The following FBXO40 variants were observed in gnomAD, a reference collection of about 807,000 sequenced individuals.
FBXO40 encodes F-box only protein 40.
In FBXO40, 50 loss-of-function variants were observed where a neutral mutation model predicts 49.9. That is an observed-to-expected ratio of 1.00 (90% CI 0.80 to 1.27). The LOEUF is 1.27. Ranked by LOEUF, FBXO40 falls within the 50% of genes most tolerant of loss-of-function variation. The probability of loss-of-function intolerance (pLI) is 0.00; values close to 1 mark genes in which losing one functional copy is unlikely to be tolerated. For synonymous variants in FBXO40, 340 were observed against 320.2 expected (o/e 1.06, Z -0.66); for missense variants, 895 against 870.1 (o/e 1.03, Z -0.36).
intron 1 of FBXO40, among the ~76,000 whole-genome samples, chr3:121,617,824 ACC>A (rs771108156): frequency 2.5e-4 from 38 of 152,094 alleles, no homozygotes; most frequent in Non-Finnish European, 4.7e-4. Context: ...ACATGGTGAA[ACC>A]CTGTCTCTGC....
chr3:121,621,662 G>GCCACAAA lies in FBXO40; in HGVS notation c.235_241dup (p.Leu81ProfsTer30). The GCCACAAA allele has an allele frequency of 6.2e-7, 1 of 1,614,118 alleles. No individual in the cohort carries two copies. Among genetic ancestry groups the GCCACAAA allele is most frequent in the South Asian group, 1.1e-5 (1 of 91,082 alleles). On this transcript the variant is annotated frameshift_variant, in exon 3 of 4. Transcript: ENST00000338040. LOFTEE classifies it high-confidence loss of function. ...TATGGCTGCCCTCTGTCCATGTCCC[G>GCCACAAA]CCACAAACTGGCCAAGCACCTGCAG... is the stretch of plus-strand genomic sequence containing the variant.
Position 121,622,323 on chromosome 3 carries a change from G to A in FBXO40, c.894G>A (p.Leu298=), listed in dbSNP as rs769982068. ...GGCAGGATGGTGTTCTGGAAAGACT[G>A]AAAACAGCTGTGGATGCAAAGGACT... ...APWQDGVLER[L]KTAVDAKDYN... Residue 298 remains leucine, a synonymous_variant, in exon 3 of 4, where the codon CTG becomes CTA. Coordinates refer to ENST00000338040, the MANE Select transcript of FBXO40 (RefSeq NM_016298.4). The A allele has an allele frequency of 2.3e-5, 37 of 1,614,124 alleles. No individual in the cohort carries two copies. The highest frequency in any genetic ancestry group is 3.1e-5 in the Non-Finnish European group (36 of 1,180,058).
rs1240441735 is a variant in FBXO40, at chr3:121,598,735, G to T, written c.-31+5233G>T. 2.6e-5 allele frequency among the ~76,000 whole-genome samples: 4 copies of T among 152,078 alleles called. No homozygotes were observed. The East Asian group carries it at 7.7e-4, about 29-fold the overall frequency. ...CTCCTTTTCCAGATCTTTTGTCAAG[G>T]CCTTCCCACCTAATTGGCAATCCTC... On this transcript the variant is annotated intron_variant, in intron 1 of 3. Transcript: ENST00000338040.
chr3:121,628,054 A>G lies in FBXO40; in HGVS notation c.*1144A>G, dbSNP rs2049072258. On this transcript the variant is annotated 3_prime_UTR_variant, in exon 4 of 4. Transcript: ENST00000338040. ...ATGATACTGCTGTTTTTGGTAACAAACAGTGAATATTCATAAGAACAAAAG... is the reference window on the plus strand; with the variant it reads ...ATGATACTGCTGTTTTTGGTAACAAGCAGTGAATATTCATAAGAACAAAAG... 2.5e-6 allele frequency: 1 copy of G among 397,822 alleles called. No individual in the cohort carries two copies. The highest frequency in any genetic ancestry group is 1.4e-4 in the South Asian group (1 of 7,278). 24.6% of individuals were successfully genotyped at this position (397,822 alleles called of 1,614,324 possible). A position where few individuals can be genotyped will look rare whatever the true frequency, so the allele number is the denominator to read the frequency against.
chr3:121,611,259 G>A (rs1347549860), intron 1 of FBXO40, among the ~76,000 whole-genome samples: 6 of 152,156 alleles, frequency 3.9e-5, no homozygotes, highest in Non-Finnish European at 7.3e-5. Context: ...CACCGGCACC[G>A]GTCTCTGAGT....
At chr3:121,602,817 G>A (rs927883465) in intron 1 of FBXO40, among the ~76,000 whole-genome samples, 2 of 151,972 alleles carry the variant, frequency 1.3e-5, no homozygotes, top group Non-Finnish European at 2.9e-5. Flanking sequence ...AATATGGCAG[G>A]AATCTACCTC....
chr3:121,626,908 T>C lies in FBXO40; in HGVS notation c.2128T>C (p.Ter710GlnextTer18). ...CAGACCACGAGGAAGATACGTCTCC[T>C]AAAAATTCAGATGCCACTCGATGCA... ...RIRPRGRYVS[*>Q] The change falls in exon 4 of 4, where the codon TAA becomes CAA. Residue 710 changes from the stop codon to glutamine, a stop_lost. Transcript: ENST00000338040. The C allele has an allele frequency of 6.2e-7, 1 of 1,614,046 alleles. No homozygotes were observed. Among genetic ancestry groups the C allele is most frequent in the Non-Finnish European group, 8.5e-7 (1 of 1,179,930 alleles).
chr3:121,620,727 T>C, intron 2 of FBXO40, 149 bp downstream of exon 2: 1 of 894,384 alleles, frequency 1.1e-6, no homozygotes, highest in Non-Finnish European at 1.7e-6. Context: ...TGAACAGAAC[T>C]TGGAAGAAAT....
At chr3:121,596,792 C>CA (rs1398240506) in intron 1 of FBXO40, among the ~76,000 whole-genome samples, 3 of 152,116 alleles carry the variant, frequency 2.0e-5, no homozygotes, top group African/African-American at 7.2e-5. Flanking sequence ...AAAGCAGCCC[C>CA]AATTAGCATA....
At chr3:121,598,883 T>G (rs1264711913) in intron 1 of FBXO40, among the ~76,000 whole-genome samples, 1 of 152,158 alleles carries the variant, frequency 6.6e-6, no homozygotes, top group African/African-American at 2.4e-5. Flanking sequence ...GCTGCCCCCT[T>G]GCCAGGTGCT....
At position 121,626,927 on chromosome 3, in the gene FBXO40, C is replaced by T. The variant is rs2049064752; in HGVS notation, c.*17C>T. The T allele has an allele frequency of 1.9e-6, 3 of 1,609,298 alleles. No homozygotes were observed. The highest frequency in any genetic ancestry group is 2.2e-5 in the East Asian group (1 of 44,858). On this transcript the variant is annotated 3_prime_UTR_variant, in exon 4 of 4. Transcript: ENST00000338040. ...GTCTCCTAAAAATTCAGATGCCACT[C>T]GATGCACCCTTCTTGGATTTCTTCT... is the stretch of plus-strand genomic sequence containing the variant.
intron 1 of FBXO40, among the ~76,000 whole-genome samples, chr3:121,603,206 C>G (rs944585218): frequency 1.1e-4 from 16 of 152,174 alleles, no homozygotes; most frequent in African/African-American, 3.9e-4. Flanking sequence ...TGATCCAGAC[C>G]CCAAGAGCAG....
Position 121,622,220 on chromosome 3 carries a change from C to T in FBXO40, c.791C>T (p.Pro264Leu). 1.9e-6 allele frequency: 3 copies of T among 1,613,926 alleles called. No individual in the cohort carries two copies. The highest frequency in any genetic ancestry group is 2.5e-6 in the Non-Finnish European group (3 of 1,179,984). The change falls in exon 3 of 4, where the codon CCC becomes CTC. Residue 264 changes from proline to leucine, a missense_variant. Coordinates refer to ENST00000338040, the MANE Select transcript of FBXO40 (RefSeq NM_016298.4). ...AACATGGTAGAAGGAGAGGGCGCTC[C>T]CAAAAAGAAAGAACCACAGGAAAAT... The part of the protein sequence containing the change: ...GHNMVEGEGA[P>L]KKKEPQENQK...
At chr3:121,616,298 C>CG (rs2048997192) in intron 1 of FBXO40, among the ~76,000 whole-genome samples, 1 of 152,052 alleles carries the variant, frequency 6.6e-6, no homozygotes, top group Non-Finnish European at 1.5e-5. Context: ...TATTAATGTG[C>CG]ATAAGAATCA....
At chr3:121,605,567 A>G (rs976536529) in intron 1 of FBXO40, among the ~76,000 whole-genome samples, 18 of 152,326 alleles carry the variant, frequency 1.2e-4, no homozygotes, top group African/African-American at 4.3e-4. Flanking sequence ...AGAGGTGGTT[A>G]GTCATAGAAA....
chr3:121,618,735 G>C (rs6777139), intron 1 of FBXO40, among the ~76,000 whole-genome samples: 1 of 151,802 alleles, frequency 6.6e-6, no homozygotes, highest in Non-Finnish European at 1.5e-5. Flanking sequence ...AACTGTGTGT[G>C]TGTGTGTATG....
At position 121,622,361 on chromosome 3, in the gene FBXO40, T is replaced by C. The variant is rs200605943; in HGVS notation, c.932T>C (p.Leu311Pro). Residue 311 changes from leucine to proline, a missense_variant, in exon 3 of 4, where the codon CTA becomes CCA. Transcript: ENST00000338040. Reference sequence around the variant, plus strand: ...GATGCAAAGGACTATAACATGTATCTAGTGCACAATGGGCGGATGCTGATA... The same window carrying C: ...GATGCAAAGGACTATAACATGTATCCAGTGCACAATGGGCGGATGCTGATA... ...AVDAKDYNMY[L>P]VHNGRMLIHF... The C allele has an allele frequency of 6.2e-7, 1 of 1,614,058 alleles. No homozygotes were observed. The highest frequency in any genetic ancestry group is 8.5e-7 in the Non-Finnish European group (1 of 1,180,022).
intron 1 of FBXO40, among the ~76,000 whole-genome samples, chr3:121,597,283 T>A (rs529235026): frequency 3.9e-5 from 6 of 152,228 alleles, no homozygotes; most frequent in African/African-American, 1.4e-4. Context: ...CTTTATGGCA[T>A]CTACAAAGTT....
intron 1 of FBXO40, among the ~76,000 whole-genome samples, chr3:121,618,279 T>A (rs1186943502): frequency 6.6e-6 from 1 of 152,016 alleles, no homozygotes; most frequent in Admixed American, 6.5e-5. Flanking sequence ...ATTTTTAGTT[T>A]TCTTAGGTGA....
Sources: gnomAD v4.1 joint callset for allele counts (sites outside exome capture counted in the v4.1 genomes callset) on GRCh38, gnomAD v4.1.1 for gene constraint, MANE v1.5 for transcripts, NCBI Gene and HGNC (gene_info 2026-07-23, HGNC 2026-07-21) for gene names.